Variants in KCNQ1 observed in about 807,000 individuals in gnomAD.
The protein encoded by KCNQ1 is potassium voltage-gated channel subfamily Q member 1.
In KCNQ1, 49 loss-of-function variants were observed where a neutral mutation model predicts 72.4. The ratio of observed to expected loss-of-function variants is 0.68; its 90% CI spans 0.54 to 0.86. The LOEUF (loss-of-function observed/expected upper bound fraction) is 0.86, where lower values mean the gene tolerates loss of function less well. KCNQ1 is among the 40% of genes least tolerant of loss of function. The pLI is 0.00. For synonymous variants in KCNQ1, 450 were observed against 412.6 expected, an observed-to-expected ratio of 1.09 and a Z score of -1.10; for missense variants, 790 against 945.1, an observed-to-expected ratio of 0.84 and a Z score of 2.15.
At chr11:2,591,423 C>T (rs1848668750) in intron 10 of KCNQ1, among the ~76,000 whole-genome samples, 1 of 152,270 alleles carries the variant, frequency 6.6e-6, no homozygotes, top group African/African-American at 2.4e-5. Context: ...CCGGGACGTG[C>T]TCCCGCCTGC....
Position 2,524,678 on chromosome 11 carries a change from G to A in KCNQ1, c.387-3250G>A, listed in dbSNP as rs114665560. Among the ~76,000 whole-genome samples the A allele has an allele frequency of 3.1e-4, 47 of 152,296 alleles. 1 individual carries two copies. In the East Asian group the frequency reaches 8.7e-3, roughly 28 times the overall value. ...GCAGTAGACAGCACTGGCAGCTTCC[G>A]GCTTATCCAAGGCCTCAGGGTGAAG... On this transcript the variant is annotated intron_variant, in intron 1 of 15. Transcript: ENST00000155840.
At chr11:2,789,292 A>G (rs1846972935) in intron 15 of KCNQ1, among the ~76,000 whole-genome samples, 1 of 152,160 alleles carries the variant, frequency 6.6e-6, no homozygotes, top group Non-Finnish European at 1.5e-5. Flanking sequence ...TAATGAAAGT[A>G]ACAACTCCTG....
rs530017483 is a variant in KCNQ1, at chr11:2,720,092, G to T, written c.1515-48752G>T. Reference sequence around the variant, plus strand: ...TCCCTCCATGCCAGCTCACTGGAGGGGCTCCTGCTGAAAGAGGTGGGGTTC... The same window carrying T: ...TCCCTCCATGCCAGCTCACTGGAGGTGCTCCTGCTGAAAGAGGTGGGGTTC... On this transcript the variant is annotated intron_variant, in intron 11 of 15. Coordinates refer to ENST00000155840, the MANE Select transcript of KCNQ1 (RefSeq NM_000218.3). This position sits in a 1 kb window ranked among gnomAD's most constrained non-coding sequence, Gnocchi z 5.1. Among the ~76,000 whole-genome samples, 3 of 152,342 alleles carry T rather than the reference G, an allele frequency of 2.0e-5. No homozygotes were observed. In the South Asian group the frequency reaches 6.2e-4, roughly 32 times the overall value.
chr11:2,774,409 A>G (rs1034557137), intron 12 of KCNQ1, among the ~76,000 whole-genome samples: 3 of 152,262 alleles, frequency 2.0e-5, no homozygotes, highest in African/African-American at 7.2e-5. Flanking sequence ...TGTTGTGAGG[A>G]CACGGGCCCC....
chr11:2,558,624 C>T (rs933171372), intron 2 of KCNQ1, among the ~76,000 whole-genome samples: 4 of 152,336 alleles, frequency 2.6e-5, no homozygotes, highest in East Asian at 1.9e-4. Context: ...AAGTGGGCCG[C>T]GCTTCGGGAA....
chr11:2,835,869 G>A (rs968112141), intron 15 of KCNQ1, among the ~76,000 whole-genome samples: 3 of 152,216 alleles, frequency 2.0e-5, no homozygotes, highest in East Asian at 1.9e-4. Flanking sequence ...TCGTGGGGCT[G>A]TTGGGAGACA....
chr11:2,515,845 G>C lies in KCNQ1; in HGVS notation c.387-12083G>C, dbSNP rs1308205746. Among the ~76,000 whole-genome samples, 1 of 152,008 alleles carries C rather than the reference G, an allele frequency of 6.6e-6. No individual in the cohort carries two copies. Among genetic ancestry groups the C allele is most frequent in the African/African-American group, 2.4e-5 (1 of 41,368 alleles). On this transcript the variant is annotated intron_variant, in intron 1 of 15. Coordinates refer to ENST00000155840, the MANE Select transcript of KCNQ1 (RefSeq NM_000218.3). This position sits in a 1 kb window ranked among gnomAD's most constrained non-coding sequence, Gnocchi z 4.7. ...CCCTGGGGGGCTTGTGCTCTGCCGG[G>C]CCACCTGCACCCTCCGGGCCCCAGG...
intron 15 of KCNQ1, among the ~76,000 whole-genome samples, chr11:2,797,980 G>A (rs1847172848): frequency 6.6e-6 from 1 of 152,178 alleles, no homozygotes; most frequent in Non-Finnish European, 1.5e-5. Flanking sequence ...GGCAGATGCA[G>A]CCCCTTTCCA....
In KCNQ1 at chr11:2,768,829, C is replaced by T. The variant is rs1452165344; in HGVS notation, c.1515-15C>T. ...GGGTGGCCACTCACAATCTCCTCTC[C>T]TCTCTCCACTGCAGGCTGCGGGAAC... On this transcript the variant is annotated splice_polypyrimidine_tract_variant and intron_variant, in intron 11 of 15. Transcript: ENST00000155840. The surrounding 1 kb of genome is among the most constrained non-coding windows in gnomAD (Gnocchi z 6.7). 2.5e-6 allele frequency: 4 copies of T among 1,611,990 alleles called. No homozygotes were observed. The African/African-American group carries it at 4.0e-5, about 16-fold the overall frequency.
chr11:2,459,835 G>T (rs1365222392), intron 1 of KCNQ1, among the ~76,000 whole-genome samples: 1 of 152,172 alleles, frequency 6.6e-6, no homozygotes, highest in Non-Finnish European at 1.5e-5. Context: ...TTCCCATGCA[G>T]CACAGGTGGC....
intron 11 of KCNQ1, among the ~76,000 whole-genome samples, chr11:2,749,536 G>A (rs112790759): frequency 4.6e-5 from 7 of 151,910 alleles, no homozygotes; most frequent in African/African-American, 1.2e-4. Context: ...TTGGCCGGGC[G>A]TGCTGCCTCA....
intron 2 of KCNQ1, among the ~76,000 whole-genome samples, chr11:2,531,923 G>T (rs1053146229): frequency 6.6e-6 from 1 of 152,192 alleles, no homozygotes; most frequent in Non-Finnish European, 1.5e-5. Flanking sequence ...CATTCCCCAA[G>T]GTGGTGCCAC....
chr11:2,446,488 C>T lies in KCNQ1; in HGVS notation c.386+1004C>T, dbSNP rs1362742064. Among the ~76,000 whole-genome samples the T allele has an allele frequency of 6.6e-6, 1 of 152,182 alleles. No homozygotes were observed. The highest frequency in any genetic ancestry group is 1.5e-5 in the Non-Finnish European group (1 of 68,026). Reference sequence around the variant, plus strand: ...GCATCTCCTCTGCCTCGGGCAGGCTCAGTAGAGAACTGGCTGGAGGGCATC... The same window carrying T: ...GCATCTCCTCTGCCTCGGGCAGGCTTAGTAGAGAACTGGCTGGAGGGCATC... On this transcript the variant is annotated intron_variant, in intron 1 of 15. Coordinates refer to ENST00000155840, the MANE Select transcript of KCNQ1 (RefSeq NM_000218.3). This position sits in a 1 kb window ranked among gnomAD's most constrained non-coding sequence, Gnocchi z 8.8.
At chr11:2,578,847 G>A (rs1350352472) in intron 6 of KCNQ1, among the ~76,000 whole-genome samples, 8 of 152,244 alleles carry the variant, frequency 5.3e-5, no homozygotes, top group Non-Finnish European at 1.0e-4. Flanking sequence ...TGGCCACAGC[G>A]GGGAACGTGG....
At chr11:2,569,714 G>A (rs966700727) in intron 2 of KCNQ1, among the ~76,000 whole-genome samples, 11 of 152,196 alleles carry the variant, frequency 7.2e-5, no homozygotes, top group South Asian at 2.1e-4. Flanking sequence ...GCAGGTGGCC[G>A]CTGCACTTTA....
At chr11:2,835,394 G>T (rs1848038685) in intron 15 of KCNQ1, among the ~76,000 whole-genome samples, 1 of 124,882 alleles carries the variant, frequency 8.0e-6, no homozygotes, top group African/African-American at 3.0e-5. Context: ...TATAAACCCT[G>T]ACTCACACAC....
At chr11:2,807,902 G>A (rs1847412128) in intron 15 of KCNQ1, among the ~76,000 whole-genome samples, 1 of 152,192 alleles carries the variant, frequency 6.6e-6, no homozygotes, top group Non-Finnish European at 1.5e-5. Flanking sequence ...GCAGCATGAG[G>A]GAAGCAGCGG....
chr11:2,626,193 G>A lies in KCNQ1; in HGVS notation c.1394-35768G>A, dbSNP rs1223277416. 5 of 398,390 alleles carry A rather than the reference G, an allele frequency of 1.3e-5. No homozygotes were observed. Among genetic ancestry groups the A allele is most frequent in the Non-Finnish European group, 2.2e-5 (5 of 226,062 alleles). 24.7% of individuals were successfully genotyped at this position (398,390 alleles called of 1,614,324 possible). On this transcript the variant is annotated intron_variant, in intron 10 of 15. Coordinates refer to ENST00000155840, the MANE Select transcript of KCNQ1 (RefSeq NM_000218.3). The surrounding 1 kb of genome is among the most constrained non-coding windows in gnomAD (Gnocchi z 4.0). ...TTCCTTATAAGACTTCATAGTTTTA[G>A]GACTTTGACCCATTTTGAGTAAGTT...
Position 2,471,694 on chromosome 11 carries a change from A to ACGTGTGTATGGG in KCNQ1, c.386+26210_386+26211insCGTGTGTATGGG, listed in dbSNP as rs1846463609. On this transcript the variant is annotated intron_variant, in intron 1 of 15. Coordinates refer to ENST00000155840, the MANE Select transcript of KCNQ1 (RefSeq NM_000218.3). This position sits in a 1 kb window ranked among gnomAD's most constrained non-coding sequence, Gnocchi z 4.8. ...GGTGTGCACATGTGTATGGGTGTGC[A>ACGTGTGTATGGG]TGTGTGTATAGGTGTGTGTATGTGT... Among the ~76,000 whole-genome samples the ACGTGTGTATGGG allele has an allele frequency of 6.8e-6, 1 of 146,928 alleles. No individual in the cohort carries two copies. Among genetic ancestry groups the ACGTGTGTATGGG allele is most frequent in the Non-Finnish European group, 1.5e-5 (1 of 66,876 alleles).
Sources: allele counts gnomAD v4.1 joint callset (sites outside exome capture counted in the v4.1 genomes callset), GRCh38; gene constraint gnomAD v4.1.1; non-coding constraint Gnocchi (gnomAD v3.1); transcripts MANE v1.5; gene names NCBI Gene and HGNC (gene_info 2026-07-23, HGNC 2026-07-21).